The following ZFP64 variants were observed in gnomAD, a reference collection of about 807,000 sequenced individuals.
ZFP64 encodes zinc finger protein 64.
A neutral mutation model predicts 51.6 loss-of-function variants in ZFP64; 14 were observed. That is an observed-to-expected ratio of 0.27 (90% confidence interval 0.18 to 0.42). The LOEUF is 0.42. Ranked by LOEUF, ZFP64 falls within the 10% of genes least tolerant of loss-of-function variation. The pLI, the probability that ZFP64 is intolerant of heterozygous loss-of-function variation, is 1.00. For missense variants in ZFP64, 754 were observed against 906.8 expected, an observed-to-expected ratio of 0.83 and a Z score of 2.16; for synonymous variants, 375 against 361.4, an observed-to-expected ratio of 1.04 and a Z score of -0.43.
At chr20:52,182,906 A>G (rs1983711148) in intron 2 of ZFP64, among the ~76,000 whole-genome samples, 4 of 152,166 alleles carry the variant, frequency 2.6e-5, no homozygotes, top group Non-Finnish European at 5.9e-5. Context: ...AGTGATGGAG[A>G]TACACCTTAA....
intron 5 of ZFP64, among the ~76,000 whole-genome samples, chr20:52,115,351 G>A (rs960688111): frequency 6.7e-6 from 1 of 150,194 alleles, no homozygotes; most frequent in African/African-American, 2.4e-5. Context: ...TTTCAATGGT[G>A]AAATATATAT....
At chr20:52,163,957 C>G (rs1568689918) in intron 4 of ZFP64, among the ~76,000 whole-genome samples, 1 of 152,132 alleles carries the variant, frequency 6.6e-6, no homozygotes, top group Non-Finnish European at 1.5e-5. Context: ...ATTCTCCTTT[C>G]TAAATTACAA....
intron 3 of ZFP64, chr20:52,165,032 T>G (rs1982136713): frequency 1.7e-6 from 1 of 576,368 alleles, no homozygotes; most frequent in African/African-American, 1.8e-5. Context: ...CCTATACTTT[T>G]CAAAAATGTC....
intron 5 of ZFP64, chr20:52,105,010 T>TGC (rs1978299182): frequency 8.4e-7 from 1 of 1,196,256 alleles, no homozygotes; most frequent in African/African-American, 1.5e-5. Context: ...CCCAGGACTC[T>TGC]GCGCCGGACG....
At chr20:52,129,080 A>AT (rs529069931) in intron 5 of ZFP64, among the ~76,000 whole-genome samples, 172 of 132,702 alleles carry the variant, frequency 1.3e-3, no homozygotes, top group Admixed American at 1.3e-3. Flanking sequence ...CTCCTGGCTA[A>AT]TTTTTTTTTT....
At chr20:52,121,469 T>C (rs1395389198) in intron 5 of ZFP64, among the ~76,000 whole-genome samples, 2 of 152,192 alleles carry the variant, frequency 1.3e-5, no homozygotes, top group Non-Finnish European at 1.5e-5. Flanking sequence ...AGCTACAACA[T>C]GCTTCTACGC....
At chr20:52,143,238 C>T (rs563157528) in intron 5 of ZFP64, among the ~76,000 whole-genome samples, 2 of 142,576 alleles carry the variant, frequency 1.4e-5, no homozygotes, top group African/African-American at 5.0e-5. Context: ...ACAATATCTC[C>T]GAAACATGCC....
At chr20:52,117,516 G>A in intron 5 of ZFP64, 1 of 384,140 alleles carries the variant, frequency 2.6e-6, no homozygotes, top group South Asian at 2.0e-5. Context: ...CTACTCGGGA[G>A]GCTGAGGCAG....
At chr20:52,139,436 T>C (rs1980145960) in intron 5 of ZFP64, among the ~76,000 whole-genome samples, 1 of 152,054 alleles carries the variant, frequency 6.6e-6, no homozygotes. Context: ...CACTTATAAG[T>C]GGGAGCTAAA....
intron 4 of ZFP64, among the ~76,000 whole-genome samples, chr20:52,164,164 T>G (rs1982051970): frequency 6.6e-6 from 1 of 151,978 alleles, no homozygotes. Flanking sequence ...ATACACAACA[T>G]TAGCCAGGTG....
chr20:52,178,544 A>T (rs1983401001), intron 2 of ZFP64, among the ~76,000 whole-genome samples: 1 of 152,202 alleles, frequency 6.6e-6, no homozygotes, highest in African/African-American at 2.4e-5. Context: ...GTCTTACTAA[A>T]TCACTCATGT....
chr20:52,120,209 C>G (rs1979110451), intron 5 of ZFP64, among the ~76,000 whole-genome samples: 1 of 152,148 alleles, frequency 6.6e-6, no homozygotes, highest in Non-Finnish European at 1.5e-5. Flanking sequence ...GACTTTCCAG[C>G]CTCTAGAACT....
chr20:52,085,312 G>C lies in ZFP64; in HGVS notation c.1229-46C>G. 6.5e-7 allele frequency: 1 copy of C among 1,539,168 alleles called. No homozygotes were observed. The highest frequency in any genetic ancestry group is 8.8e-7 in the Non-Finnish European group (1 of 1,138,680). On this transcript the variant is annotated intron_variant, in intron 8 of 8. Coordinates refer to the ZFP64 transcript ENST00000361387. This position sits in a 1 kb window ranked among gnomAD's most constrained non-coding sequence, Gnocchi z 4.3. ...TCCATTAGAACAGGCAGGCAAAACA[G>C]ACCCTCCCACCCCAACCTGCCTTAG...
At chr20:52,098,722 G>C in intron 5 of ZFP64, 1 of 1,194,262 alleles carries the variant, frequency 8.4e-7, no homozygotes, top group Non-Finnish European at 1.2e-6. Flanking sequence ...AAAGCCATGT[G>C]ACCAGGCGGG....
At chr20:52,150,946 A>G (rs935072162), downstream of ZFP64, among the ~76,000 whole-genome samples, 1 of 152,212 alleles carries the variant, frequency 6.6e-6, no homozygotes, top group Non-Finnish European at 1.5e-5. Flanking sequence ...CTCTCAGTCC[A>G]CTCATCTGGA....
chr20:52,187,172 T>C (rs1600824910), intron 1 of ZFP64, 101 bp from the exon 2 acceptor site: 1 of 1,351,106 alleles, frequency 7.4e-7, no homozygotes, highest in African/African-American at 1.4e-5. Flanking sequence ...GTGGCAGACA[T>C]GGCTGGGTAG....
At position 52,085,757 on chromosome 20, in the gene ZFP64, TCTTA is replaced by T. The variant is rs1044535177; in HGVS notation, c.1229-495_1229-492del. Among the ~76,000 whole-genome samples the T allele has an allele frequency of 1.3e-5, 2 of 152,232 alleles. No homozygotes were observed. Among genetic ancestry groups the T allele is most frequent in the African/African-American group, 4.8e-5 (2 of 41,456 alleles). On this transcript the variant is annotated intron_variant, in intron 8 of 8. Coordinates refer to the ZFP64 transcript ENST00000361387. The surrounding 1 kb of genome is among the most constrained non-coding windows in gnomAD (Gnocchi z 4.3). ...TGAGCTTGTATTTCAAGTTAAAGTT[TCTTA>T]CTTTTATAACTACAGGCTAAATTTT...
At chr20:52,084,387 C>T in exon 9 of ZFP64, 2 of 640,132 alleles carry the variant, frequency 3.1e-6, no homozygotes, top group Non-Finnish European at 5.3e-6. Context: ...CCCTGCTTTG[C>T]TTTGCTTTCG....
chr20:52,148,038 A>C (rs1980609885), downstream of ZFP64, among the ~76,000 whole-genome samples: 1 of 152,184 alleles, frequency 6.6e-6, no homozygotes, highest in African/African-American at 2.4e-5. Flanking sequence ...ATACTGATGC[A>C]ATTTCAATAA....
Sources: gnomAD v4.1 joint callset for allele counts (sites outside exome capture counted in the v4.1 genomes callset) on GRCh38, gnomAD v4.1.1 for gene constraint, Gnocchi (gnomAD v3.1) non-coding constraint, MANE v1.5 for transcripts, NCBI Gene and HGNC (gene_info 2026-07-23, HGNC 2026-07-21) for gene names.